Variants in NPAS2 observed in about 807,000 individuals in gnomAD.
NPAS2 encodes the protein neuronal PAS domain protein 2.
A neutral mutation model predicts 107.5 loss-of-function variants in NPAS2; 23 were observed. The ratio of observed to expected loss-of-function variants is 0.21; its 90% CI spans 0.15 to 0.30. The LOEUF (loss-of-function observed/expected upper bound fraction) is 0.30, where lower values mean the gene tolerates loss of function less well. Ranked by LOEUF, NPAS2 falls within the 10% of genes least tolerant of loss-of-function variation. The pLI is 1.00. For missense variants in NPAS2, 756 were observed against 1,043.3 expected, an observed-to-expected ratio of 0.72 and a Z score of 3.79; for synonymous variants, 403 against 417.5, an observed-to-expected ratio of 0.97 and a Z score of 0.42.
intron 1 of NPAS2, among the ~76,000 whole-genome samples, chr2:100,844,813 T>A (rs1174460590): frequency 6.6e-6 from 1 of 152,170 alleles, no homozygotes; most frequent in Non-Finnish European, 1.5e-5. Flanking sequence ...ACTTTTTCAC[T>A]GAAATTAACT....
chr2:100,989,704 G>T (rs563370730), intron 17 of NPAS2: 1 of 152,332 alleles, frequency 6.6e-6, no homozygotes, highest in South Asian at 2.1e-4. Flanking sequence ...AAAGAAAAAA[G>T]AATTTCTGTT....
intron 1 of NPAS2, among the ~76,000 whole-genome samples, chr2:100,864,546 G>A (rs1028087475): frequency 3.3e-5 from 5 of 152,150 alleles, no homozygotes; most frequent in African/African-American, 1.2e-4. Context: ...TGAAACTCTG[G>A]AGCCATTTCT....
At chr2:100,824,586 G>T (rs1414552282) in intron 1 of NPAS2, among the ~76,000 whole-genome samples, 9 of 152,102 alleles carry the variant, frequency 5.9e-5, no homozygotes, top group Admixed American at 2.6e-4. Flanking sequence ...CTAGTGCCGA[G>T]CGTGTTGGAA....
At chr2:100,897,655 C>G (rs777445242) in intron 1 of NPAS2, among the ~76,000 whole-genome samples, 7 of 152,150 alleles carry the variant, frequency 4.6e-5, no homozygotes, top group Admixed American at 6.5e-5. Flanking sequence ...CCAAGACTCC[C>G]TAAAACATCA....
chr2:100,938,043 C>T (rs912976227), intron 5 of NPAS2, among the ~76,000 whole-genome samples: 1 of 152,186 alleles, frequency 6.6e-6, no homozygotes, highest in African/African-American at 2.4e-5. Flanking sequence ...AGGGCAGATG[C>T]AGGCGTGTGC....
At chr2:100,970,295 C>G (rs562936719) in intron 11 of NPAS2, among the ~76,000 whole-genome samples, 1 of 152,346 alleles carries the variant, frequency 6.6e-6, no homozygotes, top group South Asian at 2.1e-4. Context: ...CTCCACCTCT[C>G]AAATCCTTGG....
rs149606029 is a variant in NPAS2 at position 100,922,842 on chromosome 2, G to A, written c.33-2304G>A. On this transcript the variant is annotated intron_variant, in intron 2 of 20. Coordinates refer to ENST00000335681, the MANE Select transcript of NPAS2 (RefSeq NM_002518.4). ...GCTTGTGTCTCTGTCACTAACGATA[G>A]GAGCCTTCGTCGGAGTTGCTACCAG... Among the ~76,000 whole-genome samples, 793 of 152,296 alleles carry A rather than the reference G, an allele frequency of 5.2e-3. 8 individuals are homozygous for A. Among genetic ancestry groups the A allele is most frequent in the African/African-American group, 0.018 (751 of 41,550 alleles).
intron 19 of NPAS2, among the ~76,000 whole-genome samples, chr2:100,992,517 C>CTT: frequency 2.0e-5 from 2 of 101,416 alleles, no homozygotes; most frequent in Middle Eastern, 0.014. Context: ...ATAGAGTTCT[C>CTT]CCTAGATCTG....
chr2:100,993,794 T>C, intron 20 of NPAS2: 1 of 377,630 alleles, frequency 2.6e-6, no homozygotes, highest in Non-Finnish European at 4.7e-6. Flanking sequence ...AAAAGTAGTT[T>C]CTACTCAAGG....
intron 1 of NPAS2, among the ~76,000 whole-genome samples, chr2:100,835,899 C>A (rs542492908): frequency 6.6e-6 from 1 of 152,296 alleles, no homozygotes; most frequent in East Asian, 1.9e-4. Flanking sequence ...GACCTCAGCA[C>A]TCAATGTAAT....
At position 100,964,053 on chromosome 2, in the gene NPAS2, C is replaced by T. The variant is rs2105150717; in HGVS notation, c.599-5C>T. On this transcript the variant is annotated splice_polypyrimidine_tract_variant and splice_region_variant and intron_variant, in intron 7 of 20. Coordinates refer to ENST00000335681, the MANE Select transcript of NPAS2 (RefSeq NM_002518.4). ...CTATGTGTCCTCTTCTTCCCAACCC[C>T]CCAGTGCCTAGCCCCTCCTGTAATG... 1.2e-6 allele frequency: 2 copies of T among 1,601,024 alleles called. No homozygotes were observed. Among genetic ancestry groups the T allele is most frequent in the East Asian group, 2.2e-5 (1 of 44,818 alleles).
At chr2:100,953,404 C>A (rs1368552924) in intron 7 of NPAS2, among the ~76,000 whole-genome samples, 2 of 150,502 alleles carry the variant, frequency 1.3e-5, no homozygotes, top group Non-Finnish European at 3.0e-5. Flanking sequence ...AAAAAACACC[C>A]TATAAAATTG....
intron 7 of NPAS2, among the ~76,000 whole-genome samples, chr2:100,953,389 A>AC (rs956122516): frequency 6.6e-6 from 1 of 151,390 alleles, no homozygotes; most frequent in African/African-American, 2.4e-5. Flanking sequence ...AAAAAAAAAA[A>AC]ACAAAAAAAA....
intron 2 of NPAS2, among the ~76,000 whole-genome samples, chr2:100,916,905 A>G (rs1435841189): frequency 2.0e-5 from 3 of 152,230 alleles, no homozygotes; most frequent in Non-Finnish European, 4.4e-5. Flanking sequence ...GAAATTAAAC[A>G]ACAAACTGTG....
intron 1 of NPAS2, among the ~76,000 whole-genome samples, chr2:100,872,288 T>C (rs1679632756): frequency 6.6e-6 from 1 of 152,184 alleles, no homozygotes; most frequent in Non-Finnish European, 1.5e-5. Context: ...CCAGTGGGCA[T>C]TGGCAAGTCA....
rs567641599 is a variant in NPAS2 at position 100,919,922 on chromosome 2, C to T, written c.33-5224C>T. Among the ~76,000 whole-genome samples, 7 of 152,246 alleles carry T rather than the reference C, an allele frequency of 4.6e-5. No homozygotes were observed. The South Asian group carries it at 1.5e-3, about 32-fold the overall frequency. ...CACCGGGCAGTATTGTATTGCACCCCCTATACCAGCTTCTGAGGAATGAGT... is the reference window on the plus strand; with the variant it reads ...CACCGGGCAGTATTGTATTGCACCCTCTATACCAGCTTCTGAGGAATGAGT... On this transcript the variant is annotated intron_variant, in intron 2 of 20. Transcript: ENST00000335681.
chr2:100,856,277 C>G (rs900599775), intron 1 of NPAS2, among the ~76,000 whole-genome samples: 13 of 152,178 alleles, frequency 8.5e-5, no homozygotes, highest in Non-Finnish European at 1.6e-4. Flanking sequence ...TAATTAGTAG[C>G]CTTTCTTTTC....
chr2:100,990,895 C>G, intron 19 of NPAS2, 23 bp downstream of exon 19: 1 of 1,604,542 alleles, frequency 6.2e-7, no homozygotes, highest in Non-Finnish European at 8.5e-7. Context: ...TGGCGGGAGG[C>G]AGGAGGCAAG....
chr2:100,962,212 T>A (rs1675955894), intron 7 of NPAS2, among the ~76,000 whole-genome samples: 1 of 152,148 alleles, frequency 6.6e-6, no homozygotes, highest in South Asian at 2.1e-4. Context: ...ACATTAGTAT[T>A]TATGTGAATG....
Sources: allele counts gnomAD v4.1 joint callset (sites outside exome capture counted in the v4.1 genomes callset), GRCh38; gene constraint gnomAD v4.1.1; transcripts MANE v1.5; gene names NCBI Gene and HGNC (gene_info 2026-07-23, HGNC 2026-07-21).